Variants in FHIT observed in about 807,000 individuals in gnomAD.
FHIT encodes the protein fragile histidine triad diadenosine triphosphatase.
Under a neutral mutation model 17.9 loss-of-function variants are expected in FHIT, and 19 were observed. That is an observed-to-expected ratio of 1.06 (90% CI 0.74 to 1.56). The LOEUF (loss-of-function observed/expected upper bound fraction) is 1.56. Ranked by LOEUF, FHIT falls within the 40% of genes most tolerant of loss-of-function variation. The probability of loss-of-function intolerance (pLI) is 0.00; values close to 1 mark genes in which losing one functional copy is unlikely to be tolerated. For synonymous variants in FHIT, 81 were observed against 69.7 expected, an observed-to-expected ratio of 1.16 and a Z score of -0.81; for missense variants, 248 against 189.2, an observed-to-expected ratio of 1.31 and a Z score of -1.82.
intron 1 of FHIT, among the ~76,000 whole-genome samples, chr3:61,234,827 CAATT>C (rs1160279213): frequency 6.6e-6 from 1 of 152,108 alleles, no homozygotes; most frequent in African/African-American, 2.4e-5. Flanking sequence ...TAACAAGAAA[CAATT>C]TATTTTTGTG....
intron 3 of FHIT, among the ~76,000 whole-genome samples, chr3:60,877,987 GTTC>G (rs1553756897): frequency 2.0e-5 from 3 of 152,052 alleles, no homozygotes; most frequent in Non-Finnish European, 2.9e-5. Context: ...CCACTACATA[GTTC>G]TTCATTCTCA....
intron 5 of FHIT, among the ~76,000 whole-genome samples, chr3:60,334,321 C>G (rs1710131179): frequency 6.6e-6 from 1 of 152,150 alleles, no homozygotes; most frequent in African/African-American, 2.4e-5. Context: ...GGTTGTATTA[C>G]TTATACTCAA....
At chr3:60,118,503 G>T (rs1203463943) in intron 5 of FHIT, among the ~76,000 whole-genome samples, 1 of 151,818 alleles carries the variant, frequency 6.6e-6, no homozygotes, top group Non-Finnish European at 1.5e-5. Flanking sequence ...TATGTCAAGG[G>T]GTGACTGACA....
intron 5 of FHIT, among the ~76,000 whole-genome samples, chr3:60,151,529 T>C (rs1317374043): frequency 1.3e-5 from 2 of 152,070 alleles, no homozygotes; most frequent in African/African-American, 4.8e-5. Context: ...ACCTCTAACG[T>C]CCTCCCATTG....
intron 5 of FHIT, among the ~76,000 whole-genome samples, chr3:60,436,463 C>G (rs1412596943): frequency 6.6e-6 from 1 of 152,060 alleles, no homozygotes; most frequent in Non-Finnish European, 1.5e-5. Context: ...AGCCACTGTC[C>G]TAGGTGCTGA....
intron 7 of FHIT, among the ~76,000 whole-genome samples, chr3:59,957,844 T>G (rs1027629441): frequency 6.6e-6 from 1 of 152,230 alleles, no homozygotes; most frequent in Non-Finnish European, 1.5e-5. Flanking sequence ...CTATACAACA[T>G]GGAACACTAG....
At chr3:60,222,104 T>A (rs1425334142) in intron 5 of FHIT, among the ~76,000 whole-genome samples, 1 of 152,168 alleles carries the variant, frequency 6.6e-6, no homozygotes, top group African/African-American at 2.4e-5. Flanking sequence ...GTTAAGCATT[T>A]CCATCCAGGA....
At chr3:59,793,986 T>C (rs1270419934) in intron 8 of FHIT, among the ~76,000 whole-genome samples, 3 of 152,108 alleles carry the variant, frequency 2.0e-5, no homozygotes, top group South Asian at 2.1e-4. Context: ...CATTTTTCCA[T>C]GGGACACGGC....
At chr3:59,821,746 GT>G (rs200203960) in intron 8 of FHIT, among the ~76,000 whole-genome samples, 10 of 151,382 alleles carry the variant, frequency 6.6e-5, no homozygotes, top group African/African-American at 1.9e-4. Flanking sequence ...GGTTCTTAGA[GT>G]TTTTTTTTAA....
chr3:60,481,857 G>A lies in FHIT; in HGVS notation c.103+55003C>T, dbSNP rs760513398. 3.3e-5 allele frequency among the ~76,000 whole-genome samples: 5 copies of A among 152,032 alleles called. No homozygotes were observed. In the South Asian group the frequency reaches 6.2e-4, roughly 19 times the overall value. ...CCTTAAATGTAAATGGGTTAAATGCGCCAATTAAAAGACACAGACTGGCAA... is the reference window on the plus strand; with the variant it reads ...CCTTAAATGTAAATGGGTTAAATGCACCAATTAAAAGACACAGACTGGCAA... On this transcript the variant is annotated intron_variant, in intron 5 of 9. Transcript: ENST00000492590.
At chr3:61,201,267 T>A (rs1035948004) in intron 1 of FHIT, among the ~76,000 whole-genome samples, 3 of 152,212 alleles carry the variant, frequency 2.0e-5, no homozygotes, top group Non-Finnish European at 4.4e-5. Context: ...AAATCAAATC[T>A]TGTTAACTTC....
intron 2 of FHIT, among the ~76,000 whole-genome samples, chr3:61,076,811 A>G (rs943486203): frequency 6.6e-6 from 1 of 152,180 alleles, no homozygotes; most frequent in Non-Finnish European, 1.5e-5. Context: ...TCCAAAATCA[A>G]TACATTTTCC....
chr3:60,692,457 G>C (rs1233546727), intron 4 of FHIT, among the ~76,000 whole-genome samples: 1 of 152,096 alleles, frequency 6.6e-6, no homozygotes, highest in East Asian at 1.9e-4. Context: ...TAATCACAAG[G>C]GTCATTAAAT....
At chr3:59,916,439 G>A (rs1351797220) in intron 8 of FHIT, among the ~76,000 whole-genome samples, 1 of 152,116 alleles carries the variant, frequency 6.6e-6, no homozygotes, top group Non-Finnish European at 1.5e-5. Flanking sequence ...TTCACCTTGT[G>A]ATCATGTAAG....
chr3:60,012,379 C>T (rs1700177413), intron 6 of FHIT, among the ~76,000 whole-genome samples: 1 of 150,392 alleles, frequency 6.6e-6, no homozygotes, highest in South Asian at 2.1e-4. Flanking sequence ...AGTGATTCTC[C>T]TGCCTCAGCC....
At chr3:60,646,418 C>A (rs2039859002) in intron 4 of FHIT, among the ~76,000 whole-genome samples, 2 of 152,140 alleles carry the variant, frequency 1.3e-5, no homozygotes, top group Admixed American at 1.3e-4. Flanking sequence ...ATAGTTAAGT[C>A]AGATGCCTAA....
intron 1 of FHIT, among the ~76,000 whole-genome samples, chr3:61,236,291 T>C (rs1042563512): frequency 6.7e-6 from 1 of 148,850 alleles, no homozygotes; most frequent in Admixed American, 6.7e-5. Flanking sequence ...TGGTAATTAG[T>C]AATAATAATA....
At chr3:60,924,299 G>T (rs1553769253) in intron 3 of FHIT, among the ~76,000 whole-genome samples, 2 of 152,146 alleles carry the variant, frequency 1.3e-5, no homozygotes, top group Admixed American at 6.5e-5. Flanking sequence ...CTAACTGGCA[G>T]GCACCCCCCA....
intron 5 of FHIT, among the ~76,000 whole-genome samples, chr3:60,133,119 T>G (rs1048469225): frequency 6.6e-6 from 1 of 151,988 alleles, no homozygotes; most frequent in African/African-American, 2.4e-5. Context: ...GTCTTTATGA[T>G]TGAGATGGAA....
Sources: allele counts gnomAD v4.1 joint callset (sites outside exome capture counted in the v4.1 genomes callset), GRCh38; gene constraint gnomAD v4.1.1; transcripts MANE v1.5; gene names NCBI Gene and HGNC (gene_info 2026-07-23, HGNC 2026-07-21).